CACNB4: variants seen among roughly 807,000 people sequenced by gnomAD.
CACNB4 encodes voltage-dependent L-type calcium channel subunit beta-4.
A neutral mutation model predicts 71.2 loss-of-function variants in CACNB4; 32 were observed. The ratio of observed to expected loss-of-function variants is 0.45; its 90% confidence interval spans 0.34 to 0.60. The LOEUF is 0.60. CACNB4 is among the 20% of genes least tolerant of loss of function. The probability of loss-of-function intolerance (pLI) is 0.01; values close to 1 mark genes in which losing one functional copy is unlikely to be tolerated. For synonymous variants in CACNB4, 231 were observed against 236.9 expected (o/e 0.97, Z 0.23); for missense variants, 464 against 647.9 (o/e 0.72, Z 3.08).
intron 2 of CACNB4, among the ~76,000 whole-genome samples, chr2:152,065,302 T>G (rs1254956301): frequency 6.6e-6 from 1 of 151,748 alleles, no homozygotes; most frequent in South Asian, 2.1e-4. Context: ...GAGAATCACT[T>G]GAACCCGGAG....
At chr2:151,986,111 T>TC (rs1681355712) in intron 2 of CACNB4, among the ~76,000 whole-genome samples, 1 of 152,208 alleles carries the variant, frequency 6.6e-6, no homozygotes, top group African/African-American at 2.4e-5. Context: ...CCCTAAGCTA[T>TC]CATCTTGTTC....
At chr2:152,084,755 G>A (rs1046042960) in intron 2 of CACNB4, among the ~76,000 whole-genome samples, 1 of 151,368 alleles carries the variant, frequency 6.6e-6, no homozygotes, top group African/African-American at 2.4e-5. Flanking sequence ...GACCACAGGT[G>A]CATGCCACCA....
intron 2 of CACNB4, among the ~76,000 whole-genome samples, chr2:152,047,927 C>T (rs186349257): frequency 1.3e-5 from 2 of 152,092 alleles, no homozygotes; most frequent in African/African-American, 4.8e-5. Context: ...AACAAAACAT[C>T]TCTTGCTTGT....
chr2:151,882,339 C>A (rs1386711988), intron 3 of CACNB4, among the ~76,000 whole-genome samples: 1 of 151,806 alleles, frequency 6.6e-6, no homozygotes, highest in Admixed American at 6.6e-5. Flanking sequence ...CAGATGTGAG[C>A]CACCATGCAC....
intron 2 of CACNB4, chr2:151,974,010 C>A: frequency 8.8e-7 from 1 of 1,141,280 alleles, no homozygotes; most frequent in East Asian, 4.8e-5. Context: ...ATTGGCTCGG[C>A]TTCCCTGCTT....
chr2:152,046,791 C>G (rs959703348), intron 2 of CACNB4, among the ~76,000 whole-genome samples: 2 of 152,174 alleles, frequency 1.3e-5, no homozygotes, highest in Non-Finnish European at 2.9e-5. Context: ...AAATTCATCA[C>G]AGGGTTATCA....
At chr2:152,093,390 G>T (rs944382687) in intron 2 of CACNB4, among the ~76,000 whole-genome samples, 5 of 139,326 alleles carry the variant, frequency 3.6e-5, no homozygotes, top group African/African-American at 5.8e-5. Flanking sequence ...AATTTGACTT[G>T]CTGTTTTTTG....
At chr2:151,978,962 G>A (rs1000317410) in intron 2 of CACNB4, among the ~76,000 whole-genome samples, 9 of 151,936 alleles carry the variant, frequency 5.9e-5, no homozygotes, top group African/African-American at 9.7e-5. Flanking sequence ...CAGCACCCCC[G>A]CCCTCAGCCA....
chr2:151,911,718 T>C (rs922711348), intron 2 of CACNB4, among the ~76,000 whole-genome samples: 1 of 152,192 alleles, frequency 6.6e-6, no homozygotes, highest in African/African-American at 2.4e-5. Flanking sequence ...AGTCCCTCTT[T>C]TTCAGTTGTT....
intron 2 of CACNB4, among the ~76,000 whole-genome samples, chr2:152,047,568 C>T (rs917409258): frequency 5.9e-5 from 9 of 152,188 alleles, no homozygotes; most frequent in South Asian, 4.1e-4. Flanking sequence ...CTTCTGCTTT[C>T]TTGAAATGAA....
intron 2 of CACNB4, among the ~76,000 whole-genome samples, chr2:151,897,146 A>G (rs1041418956): frequency 4.6e-5 from 7 of 152,208 alleles, no homozygotes; most frequent in African/African-American, 1.4e-4. Context: ...TTTCTCTCCA[A>G]AGCTCTTTCG....
chr2:151,969,656 T>C (rs58434243), intron 2 of CACNB4: 1 of 152,334 alleles, frequency 6.6e-6, no homozygotes, highest in East Asian at 1.9e-4. Context: ...TACGCATGCA[T>C]GCAGAGGTGC....
chr2:152,026,227 A>T (rs1000763651), intron 2 of CACNB4, among the ~76,000 whole-genome samples: 1 of 152,050 alleles, frequency 6.6e-6, no homozygotes, highest in East Asian at 1.9e-4. Context: ...CGAGCACTGG[A>T]TCTTACTCCA....
At chr2:152,055,613 G>A (rs1026940995) in intron 2 of CACNB4, among the ~76,000 whole-genome samples, 2 of 152,156 alleles carry the variant, frequency 1.3e-5, no homozygotes, top group Non-Finnish European at 2.9e-5. Flanking sequence ...GCTGTGCTCT[G>A]ATTATCACTT....
intron 2 of CACNB4, among the ~76,000 whole-genome samples, chr2:152,001,070 C>A (rs369264018): frequency 7.9e-5 from 12 of 152,214 alleles, no homozygotes; most frequent in African/African-American, 2.9e-4. Flanking sequence ...AACAACCCTA[C>A]GAGGCAGGTA....
intron 2 of CACNB4, among the ~76,000 whole-genome samples, chr2:152,017,931 C>T (rs771250304): frequency 6.6e-6 from 1 of 151,604 alleles, no homozygotes; most frequent in Non-Finnish European, 1.5e-5. Context: ...CTCCTGGGTT[C>T]AAGCGATTCT....
intron 9 of CACNB4, chr2:151,868,028 A>C (rs938047482): frequency 2.0e-5 from 3 of 152,186 alleles, no homozygotes; most frequent in African/African-American, 7.2e-5. Flanking sequence ...TTAAACTAAA[A>C]TCTGTTTACT....
chr2:152,058,491 A>G (rs949001515), intron 2 of CACNB4, among the ~76,000 whole-genome samples: 10 of 152,162 alleles, frequency 6.6e-5, no homozygotes, highest in Admixed American at 6.5e-4. Context: ...GAAGATGAAG[A>G]ATTTATTGGG....
At chr2:151,979,672 C>A (rs1191810198) in intron 2 of CACNB4, among the ~76,000 whole-genome samples, 1 of 152,152 alleles carries the variant, frequency 6.6e-6, no homozygotes, top group Non-Finnish European at 1.5e-5. Context: ...GACTGGTCCA[C>A]ACTACTGGAG....
Sources: gnomAD v4.1 joint callset for allele counts (sites outside exome capture counted in the v4.1 genomes callset) on GRCh38, gnomAD v4.1.1 for gene constraint, MANE v1.5 for transcripts, NCBI Gene and HGNC (gene_info 2026-07-23, HGNC 2026-07-21) for gene names.